The following KIAA0825 variants were observed in gnomAD, a reference collection of about 807,000 sequenced individuals.
KIAA0825 encodes the protein KIAA0825, also known as uncharacterized protein KIAA0825.
In KIAA0825, 119 loss-of-function variants were observed where a neutral mutation model predicts 147.6. That is an observed-to-expected ratio of 0.81 (90% CI 0.69 to 0.94). The LOEUF is 0.94. Among genes scored for constraint, KIAA0825 ranks in the 40% least tolerant of loss-of-function variants. KIAA0825 has a pLI of 0.00. For synonymous variants in KIAA0825, 470 were observed against 518.1 expected (o/e 0.91, Z 1.26); for missense variants, 1,381 against 1,472.7 (o/e 0.94, Z 1.02).
intron 20 of KIAA0825, among the ~76,000 whole-genome samples, chr5:94,213,534 G>A (rs1055484517): frequency 8.6e-5 from 13 of 151,914 alleles, no homozygotes; most frequent in Non-Finnish European, 1.8e-4. Flanking sequence ...TTATCCTCAG[G>A]TTAAATATAA....
intron 5 of KIAA0825, among the ~76,000 whole-genome samples, chr5:94,494,192 A>G (rs1222752119): frequency 2.0e-5 from 3 of 152,070 alleles, no homozygotes; most frequent in African/African-American, 7.2e-5. Context: ...TGATAACAAA[A>G]TTCTCCCACA....
At chr5:94,228,321 C>T (rs1241518003) in intron 20 of KIAA0825, among the ~76,000 whole-genome samples, 3 of 152,172 alleles carry the variant, frequency 2.0e-5, no homozygotes, top group Non-Finnish European at 2.9e-5. Flanking sequence ...GCAGAAAGAT[C>T]TGTTTCTTCT....
intron 12 of KIAA0825, among the ~76,000 whole-genome samples, chr5:94,461,007 T>C (rs1759749825): frequency 6.6e-6 from 1 of 151,962 alleles, no homozygotes; most frequent in Non-Finnish European, 1.5e-5. Flanking sequence ...GTAATCCTGA[T>C]TGAAATTAGC....
chr5:94,435,040 A>C (rs1756159569), intron 14 of KIAA0825, among the ~76,000 whole-genome samples: 1 of 152,120 alleles, frequency 6.6e-6, no homozygotes, highest in African/African-American at 2.4e-5. Flanking sequence ...CATGTACTTC[A>C]TATTTCTGCA....
chr5:94,175,471 CTG>C (rs1041444689), intron 20 of KIAA0825, among the ~76,000 whole-genome samples: 1 of 152,138 alleles, frequency 6.6e-6, no homozygotes, highest in African/African-American at 2.4e-5. Flanking sequence ...AAGTCAAGTA[CTG>C]TGTTACCTCT....
intron 12 of KIAA0825, among the ~76,000 whole-genome samples, chr5:94,461,956 A>C (rs193188711): frequency 4.6e-5 from 7 of 152,088 alleles, no homozygotes; most frequent in Admixed American, 6.5e-5. Flanking sequence ...AAATATTTCC[A>C]CATTTTAAAA....
chr5:94,422,858 C>T (rs1754377202), intron 14 of KIAA0825, among the ~76,000 whole-genome samples: 1 of 152,170 alleles, frequency 6.6e-6, no homozygotes, highest in Non-Finnish European at 1.5e-5. Context: ...CCCATTAGAG[C>T]AACATCTAAC....
At chr5:94,542,400 G>A (rs2151380550) in intron 2 of KIAA0825, among the ~76,000 whole-genome samples, 1 of 152,266 alleles carries the variant, frequency 6.6e-6, no homozygotes, top group Non-Finnish European at 1.5e-5. Flanking sequence ...ATACTCCTGT[G>A]ACCAAAATTT....
intron 20 of KIAA0825, among the ~76,000 whole-genome samples, chr5:94,204,970 A>G (rs1379389115): frequency 6.6e-6 from 1 of 152,088 alleles, no homozygotes; most frequent in Non-Finnish European, 1.5e-5. Context: ...AAAGAGAAAA[A>G]TTGTTGGGAA....
chr5:94,237,427 A>G (rs1287947776), intron 20 of KIAA0825, among the ~76,000 whole-genome samples: 2 of 152,184 alleles, frequency 1.3e-5, no homozygotes, highest in Non-Finnish European at 2.9e-5. Flanking sequence ...AAAGGCTGCA[A>G]TGAGGGTGCA....
intron 13 of KIAA0825, among the ~76,000 whole-genome samples, chr5:94,442,150 G>A (rs1382645545): frequency 6.6e-6 from 1 of 152,126 alleles, no homozygotes; most frequent in African/African-American, 2.4e-5. Flanking sequence ...TTGCCAAAAG[G>A]CTGGCTTAAA....
At chr5:94,374,484 C>T (rs1747230298) in intron 20 of KIAA0825, among the ~76,000 whole-genome samples, 2 of 152,182 alleles carry the variant, frequency 1.3e-5, no homozygotes, top group African/African-American at 2.4e-5. Flanking sequence ...AATTGTATCA[C>T]TCAAGTCTTC....
chr5:94,308,302 T>G (rs755564895), intron 20 of KIAA0825, among the ~76,000 whole-genome samples: 3 of 151,808 alleles, frequency 2.0e-5, no homozygotes, highest in Non-Finnish European at 4.4e-5. Flanking sequence ...GAAATTATTT[T>G]CTAATCTAAA....
chr5:94,322,961 C>G (rs1236312541), intron 20 of KIAA0825, among the ~76,000 whole-genome samples: 5 of 150,926 alleles, frequency 3.3e-5, no homozygotes, highest in South Asian at 4.2e-4. Flanking sequence ...CTCCTGATTT[C>G]TTGGGTTTTT....
chr5:94,352,938 G>C (rs1370106392), intron 20 of KIAA0825, among the ~76,000 whole-genome samples: 1 of 150,014 alleles, frequency 6.7e-6, no homozygotes, highest in Non-Finnish European at 1.5e-5. Context: ...AGAGTGGGAG[G>C]GGGGTGAGGG....
chr5:94,553,862 T>C (rs891086375), intron 2 of KIAA0825, among the ~76,000 whole-genome samples: 1 of 151,986 alleles, frequency 6.6e-6, no homozygotes, highest in African/African-American at 2.4e-5. Flanking sequence ...AAAATCGTGA[T>C]GTTCTCTAAG....
At chr5:94,228,428 A>G (rs1774396909) in intron 20 of KIAA0825, among the ~76,000 whole-genome samples, 2 of 152,154 alleles carry the variant, frequency 1.3e-5, no homozygotes, top group South Asian at 4.1e-4. Context: ...GTAGCCACTT[A>G]CAACCATGAG....
intron 1 of KIAA0825, among the ~76,000 whole-genome samples, chr5:94,603,850 A>C (rs540104719): frequency 9.2e-5 from 14 of 152,240 alleles, no homozygotes; most frequent in Non-Finnish European, 1.5e-4. Context: ...ATAATGGTAA[A>C]GGGTTCGATT....
In KIAA0825 at chr5:94,391,547, CATG is replaced by C. The variant is rs1749901284; in HGVS notation, c.3441_3443del (p.Ile1147del). The C allele has an allele frequency of 6.4e-7, 1 of 1,551,500 alleles. No individual in the cohort carries two copies. Among genetic ancestry groups the C allele is most frequent in the Admixed American group, 2.0e-5 (1 of 50,974 alleles). ...GCCGTTTCCCTACCTCATTGAGCTG[CATG>C]ATGTGATAAATTTGCCTCAGGTACT... On this transcript the variant is annotated inframe_deletion, in exon 18 of 21. Transcript: ENST00000682413.
Sources: gnomAD v4.1 joint callset for allele counts (sites outside exome capture counted in the v4.1 genomes callset) on GRCh38, gnomAD v4.1.1 for gene constraint, MANE v1.5 for transcripts, NCBI Gene and HGNC (gene_info 2026-07-23, HGNC 2026-07-21) for gene names.